The following STIM1 variants were observed in gnomAD, a reference collection of about 807,000 sequenced individuals.
STIM1 encodes stromal interaction molecule 1.
A neutral mutation model predicts 74.7 loss-of-function variants in STIM1; 25 were observed. That is an observed-to-expected ratio of 0.33 (90% CI 0.24 to 0.47). The LOEUF (loss-of-function observed/expected upper bound fraction) is 0.47. STIM1 is among the 20% of genes least tolerant of loss of function. STIM1 has a pLI of 1.00. For missense variants in STIM1, 728 were observed against 920.8 expected, an observed-to-expected ratio of 0.79 and a Z score of 2.71; for synonymous variants, 328 against 348.8, an observed-to-expected ratio of 0.94 and a Z score of 0.66.
At chr11:3,941,696 A>AGAGAGTGTGT (rs1214690521) in intron 1 of STIM1, among the ~76,000 whole-genome samples, 2 of 141,806 alleles carry the variant, frequency 1.4e-5, no homozygotes, top group East Asian at 2.2e-4. Context: ...AGAGAGAGAG[A>AGAGAGTGTGT]GTGTGTGTGT....
At chr11:4,007,837 G>A (rs1214879805) in intron 2 of STIM1, among the ~76,000 whole-genome samples, 3 of 152,134 alleles carry the variant, frequency 2.0e-5, no homozygotes, top group African/African-American at 7.2e-5. Flanking sequence ...AGTGGTGAGA[G>A]CTGTGGGAAA....
chr11:4,075,129 G>C (rs2094430611), intron 7 of STIM1, among the ~76,000 whole-genome samples: 1 of 151,468 alleles, frequency 6.6e-6, no homozygotes, highest in African/African-American at 2.4e-5. Flanking sequence ...TGACAAGAGT[G>C]AATCTCTGTC....
At chr11:3,916,905 C>T (rs562157242) in intron 1 of STIM1, among the ~76,000 whole-genome samples, 61 of 152,128 alleles carry the variant, frequency 4.0e-4, no homozygotes, top group Non-Finnish European at 7.5e-4. Context: ...ATTTTTAAAT[C>T]TTTAAATCCC....
chr11:3,902,877 C>T (rs1409343846), intron 1 of STIM1, among the ~76,000 whole-genome samples: 1 of 152,074 alleles, frequency 6.6e-6, no homozygotes, highest in Non-Finnish European at 1.5e-5. Context: ...GGCAAAGGAT[C>T]ATAAATGATC....
At chr11:3,921,104 A>T (rs2092711986) in intron 1 of STIM1, among the ~76,000 whole-genome samples, 1 of 152,060 alleles carries the variant, frequency 6.6e-6, no homozygotes, top group Non-Finnish European at 1.5e-5. Flanking sequence ...CCTACCCTTA[A>T]GTATCTTAAG....
chr11:3,976,583 G>A (rs2093450430), intron 2 of STIM1, among the ~76,000 whole-genome samples: 2 of 152,270 alleles, frequency 1.3e-5, no homozygotes, highest in African/African-American at 4.8e-5. Context: ...TACCTGACAC[G>A]TAATTCAAGC....
rs1565170954 is a variant in STIM1, at chr11:4,083,301, G to A, written c.1277G>A (p.Arg426His). Residue 426 changes from arginine (R) to histidine (H), a missense_variant, in exon 10 of 13, where the codon CGC becomes CAC. Arg to His is a conservative substitution (Grantham distance 29, BLOSUM62 0). This residue lies in a region of STIM1 where 131 missense variants were observed against 235.9 expected (regional missense o/e 0.56). Transcript: ENST00000526596. ...LSEVTAALRE[R>H]LHRWQQIEIL... ...GAGGTGACAGCAGCATTGCGGGAGC[G>A]CCTGCACCGCTGGCAACAGATCGAG... The A allele has an allele frequency of 1.2e-6, 2 of 1,614,218 alleles. No individual in the cohort carries two copies. The highest frequency in any genetic ancestry group is 1.7e-6 in the Non-Finnish European group (2 of 1,180,050).
chr11:4,084,749 C>A lies in STIM1; in HGVS notation c.1551C>A (p.Ser517=). The change falls in exon 11 of 13, where the codon TCC becomes TCA. Residue 517 remains serine (S), a synonymous_variant. Coordinates refer to ENST00000526596, the MANE Select transcript of STIM1 (RefSeq NM_001382567.1). Reference sequence around the variant, plus strand: ...CATCCGCCGGCTCGGATGATCAGTCCCTCTGGAAATACCCCGGTTTGAGGA... The same window carrying A: ...CATCCGCCGGCTCGGATGATCAGTCACTCTGGAAATACCCCGGTTTGAGGA... ...CSTSAGSDDQ[S]LWKYPAPSLQ... is the part of the protein sequence containing the mutation. The A allele has an allele frequency of 7.8e-7, 1 of 1,289,376 alleles. No homozygotes were observed. The highest frequency in any genetic ancestry group is 1.0e-6 in the Non-Finnish European group (1 of 988,878). The allele number at this position is 1,289,376 out of a possible 1,614,324, so 79.9% of individuals were successfully genotyped here. A position where few individuals can be genotyped will look rare whatever the true frequency, so the allele number is the denominator to read the frequency against.
At chr11:4,044,425 T>C (rs907556536) in intron 3 of STIM1, among the ~76,000 whole-genome samples, 2 of 152,320 alleles carry the variant, frequency 1.3e-5, no homozygotes, top group Admixed American at 1.3e-4. Context: ...TTTTAACTTT[T>C]AGGTGCTTGA....
intron 1 of STIM1, among the ~76,000 whole-genome samples, chr11:3,900,774 C>G (rs1312694378): frequency 6.6e-6 from 1 of 152,218 alleles, no homozygotes; most frequent in Admixed American, 6.5e-5. Context: ...TGGGTTCTCA[C>G]TCTGTTGCCT....
chr11:3,868,778 T>G (rs1212059351), intron 1 of STIM1, among the ~76,000 whole-genome samples: 3 of 152,216 alleles, frequency 2.0e-5, no homozygotes, highest in African/African-American at 7.2e-5. Flanking sequence ...GTTCTGAATT[T>G]AAGCCTTGGG....
chr11:3,903,561 C>T (rs1005599327), intron 1 of STIM1: 1 of 152,218 alleles, frequency 6.6e-6, no homozygotes, highest in Non-Finnish European at 1.5e-5. Flanking sequence ...GGAAGCTCTC[C>T]TCTTTCTATT....
intron 2 of STIM1, among the ~76,000 whole-genome samples, chr11:4,019,694 A>G (rs2093937738): frequency 6.6e-6 from 1 of 152,218 alleles, no homozygotes; most frequent in Non-Finnish European, 1.5e-5. Context: ...TTTATAGGAT[A>G]CAGTGTGATG....
chr11:4,023,026 C>T (rs2093970309), intron 2 of STIM1, among the ~76,000 whole-genome samples: 1 of 152,158 alleles, frequency 6.6e-6, no homozygotes, highest in African/African-American at 2.4e-5. Context: ...AATTTGTGGA[C>T]ATGTTTTAAA....
Position 4,045,986 on chromosome 11 carries a change from C to T in STIM1, c.386-9540C>T, listed in dbSNP as rs966043169. 4.0e-5 allele frequency among the ~76,000 whole-genome samples: 6 copies of T among 149,574 alleles called. No homozygotes were observed. The East Asian group carries it at 7.9e-4, about 20-fold the overall frequency. ...TTCACCATGTTGGCCAGGGTGGTCTCGAACTCTCCTGACCTCAAAGTGATC... is the reference window on the plus strand; with the variant it reads ...TTCACCATGTTGGCCAGGGTGGTCTTGAACTCTCCTGACCTCAAAGTGATC... On this transcript the variant is annotated intron_variant, in intron 3 of 12. Coordinates refer to ENST00000526596, the MANE Select transcript of STIM1 (RefSeq NM_001382567.1).
intron 3 of STIM1, among the ~76,000 whole-genome samples, chr11:4,039,902 G>A (rs2132983964): frequency 6.6e-6 from 1 of 151,990 alleles, no homozygotes; most frequent in South Asian, 2.1e-4. Context: ...CAAGTAGCTG[G>A]GTTTGCAGGT....
intron 5 of STIM1, among the ~76,000 whole-genome samples, chr11:4,060,507 C>T (rs1246235566): frequency 6.6e-6 from 1 of 152,214 alleles, no homozygotes; most frequent in Non-Finnish European, 1.5e-5. Context: ...TGGGAGAAGA[C>T]TAATGTTTCC....
intron 1 of STIM1, among the ~76,000 whole-genome samples, chr11:3,939,982 A>G (rs1003266977): frequency 6.6e-6 from 1 of 152,106 alleles, no homozygotes; most frequent in Admixed American, 6.5e-5. Flanking sequence ...ACCCACTGTA[A>G]ATCTTTTTTT....
chr11:3,989,034 C>G, intron 2 of STIM1: 1 of 983,534 alleles, frequency 1.0e-6, no homozygotes, highest in Non-Finnish European at 1.5e-6. Flanking sequence ...GGGATTCCCT[C>G]CTTCTTAAAA....
Sources: gnomAD v4.1 joint callset for allele counts (sites outside exome capture counted in the v4.1 genomes callset) on GRCh38, gnomAD v4.1.1 for gene constraint, gnomAD v4.1.1 regional missense constraint, MANE v1.5 for transcripts, NCBI Gene and HGNC (gene_info 2026-07-23, HGNC 2026-07-21) for gene names.